Variants in XIRP2 observed in about 807,000 individuals in gnomAD.
XIRP2 encodes xin actin binding repeat containing 2.
Under a neutral mutation model 277.0 loss-of-function variants are expected in XIRP2, and 236 were observed. The ratio of observed to expected loss-of-function variants is 0.85; its 90% CI spans 0.77 to 0.95. The LOEUF (loss-of-function observed/expected upper bound fraction) is 0.95, where lower values mean the gene tolerates loss of function less well. Ranked by LOEUF, XIRP2 falls within the 40% of genes least tolerant of loss-of-function variation. XIRP2 has a pLI of 0.00. For missense variants in XIRP2, 4,640 were observed against 4,157.5 expected, an observed-to-expected ratio of 1.12 and a Z score of -3.19; for synonymous variants, 1,490 against 1,416.5, an observed-to-expected ratio of 1.05 and a Z score of -1.17.
rs567728566 is a variant in XIRP2, at chr2:167,128,808, C to A, written c.409-7101C>A. Among the ~76,000 whole-genome samples the A allele has an allele frequency of 4.6e-5, 7 of 152,242 alleles. No homozygotes were observed. In the South Asian group the frequency reaches 1.5e-3, roughly 32 times the overall value. On this transcript the variant is annotated intron_variant, in intron 2 of 10. Coordinates refer to ENST00000409195, the MANE Select transcript of XIRP2 (RefSeq NM_152381.6). ...TCACACTCTTTTTTGTTACAATACT[C>A]ACTTGATGTATCTTTCCCTGCCATT...
In XIRP2 at chr2:167,210,732, C is replaced by T; in HGVS notation, c.563-3C>T. On this transcript the variant is annotated splice_polypyrimidine_tract_variant and splice_region_variant and intron_variant, in intron 3 of 10. Coordinates refer to ENST00000409195, the MANE Select transcript of XIRP2 (RefSeq NM_152381.6). ...TGTGTAAGCATGCTCTGTTTGCTTTCAGCGACTGCTGGCCCTAATAAGCCT... is the reference window on the plus strand; with the variant it reads ...TGTGTAAGCATGCTCTGTTTGCTTTTAGCGACTGCTGGCCCTAATAAGCCT... 6.2e-7 allele frequency: 1 copy of T among 1,614,042 alleles called. No individual in the cohort carries two copies. Among genetic ancestry groups the T allele is most frequent in the Non-Finnish European group, 8.5e-7 (1 of 1,179,924 alleles).
intron 2 of XIRP2, among the ~76,000 whole-genome samples, chr2:166,982,945 G>A (rs1462552767): frequency 2.6e-5 from 4 of 152,148 alleles, no homozygotes; most frequent in African/African-American, 9.7e-5. Flanking sequence ...TGTGAAACAT[G>A]CCCAGAACCA....
chr2:167,012,555 A>G (rs1201940070), intron 2 of XIRP2, among the ~76,000 whole-genome samples: 2 of 151,648 alleles, frequency 1.3e-5, no homozygotes, highest in South Asian at 2.1e-4. Context: ...TACACTTAAG[A>G]GCCTTTCTTT....
chr2:166,932,236 A>G (rs1685362809), intron 2 of XIRP2, among the ~76,000 whole-genome samples: 1 of 147,486 alleles, frequency 6.8e-6, no homozygotes, highest in Admixed American at 6.8e-5. Flanking sequence ...TTTTTAATTG[A>G]GACAGTGTCT....
chr2:167,248,152 C>A lies in XIRP2; in HGVS notation c.6760C>A (p.Leu2254Ile), dbSNP rs1325760674. Reference protein sequence around the residue: ...TDVHLKSQDFLMKTNTSTGLK... With the variant: ...TDVHLKSQDFIMKTNTSTGLK... ...TGTTCACTTGAAAAGCCAGGACTTT[C>A]TAATGAAAACAAATACTTCCACAGG... is the stretch of plus-strand genomic sequence containing the variant. The change falls in exon 9 of 11, where the codon CTA (leucine) becomes ATA (isoleucine). Residue 2254 changes from leucine to isoleucine, a missense_variant. Physicochemically the swap from Leu to Ile is conservative, Grantham distance 5 (BLOSUM62 2). Transcript: ENST00000409195. 1.5e-5 allele frequency: 24 copies of A among 1,613,666 alleles called. No homozygotes were observed. Among genetic ancestry groups the A allele is most frequent in the Non-Finnish European group, 2.0e-5 (24 of 1,179,816 alleles).
At chr2:167,208,597 C>T (rs1001043041) in intron 3 of XIRP2, among the ~76,000 whole-genome samples, 1 of 152,092 alleles carries the variant, frequency 6.6e-6, no homozygotes, top group African/African-American at 2.4e-5. Flanking sequence ...TGTGAGCCAC[C>T]GCGCCCGGCT....
At chr2:167,177,128 T>C (rs1657965377) in intron 3 of XIRP2, among the ~76,000 whole-genome samples, 1 of 152,250 alleles carries the variant, frequency 6.6e-6, no homozygotes, top group Admixed American at 6.5e-5. Flanking sequence ...AGCCCAAATC[T>C]ACTTTTAAGA....
intron 2 of XIRP2, among the ~76,000 whole-genome samples, chr2:167,001,301 A>C (rs1360751082): frequency 6.6e-6 from 1 of 152,030 alleles, no homozygotes; most frequent in Non-Finnish European, 1.5e-5. Flanking sequence ...ATGCACATGC[A>C]CCTCATCTTT....
chr2:167,215,477 TGGA>T (rs1694217206), intron 4 of XIRP2, among the ~76,000 whole-genome samples: 1 of 152,234 alleles, frequency 6.6e-6, no homozygotes, highest in African/African-American at 2.4e-5. Flanking sequence ...TATAATATTC[TGGA>T]GTATGGGAAA....
At chr2:166,947,257 G>A (rs1194853321) in intron 2 of XIRP2, among the ~76,000 whole-genome samples, 1 of 152,128 alleles carries the variant, frequency 6.6e-6, no homozygotes, top group East Asian at 1.9e-4. Context: ...TTCAAAACCT[G>A]GGATACATGG....
chr2:166,936,452 A>G (rs1485194821), intron 2 of XIRP2, among the ~76,000 whole-genome samples: 1 of 152,152 alleles, frequency 6.6e-6, no homozygotes, highest in Non-Finnish European at 1.5e-5. Flanking sequence ...TTTTGTTGCT[A>G]CTGCTTTTGG....
At chr2:167,142,572 A>T (rs7556849) in intron 3 of XIRP2, among the ~76,000 whole-genome samples, 16,513 of 151,344 alleles carry the variant, frequency 0.11, 1,021 homozygotes, top group African/African-American at 0.17. Context: ...ATAAAAAAAT[A>T]AAAAAAAAGA....
At chr2:167,153,213 A>G (rs974542252) in intron 3 of XIRP2, among the ~76,000 whole-genome samples, 2 of 152,150 alleles carry the variant, frequency 1.3e-5, no homozygotes, top group African/African-American at 4.8e-5. Flanking sequence ...ACTTTCATAT[A>G]GAGACTCAAT....
intron 10 of XIRP2, 28 bp from the exon 11 acceptor site, chr2:167,257,829 T>A (rs762704477): frequency 6.4e-7 from 1 of 1,558,564 alleles, no homozygotes; most frequent in Non-Finnish European, 8.6e-7. Flanking sequence ...AAATACGAAC[T>A]GCTAAGTGTT....
chr2:166,979,073 T>C (rs1686792638), intron 2 of XIRP2, among the ~76,000 whole-genome samples: 1 of 152,366 alleles, frequency 6.6e-6, no homozygotes, highest in Non-Finnish European at 1.5e-5. Context: ...TAGGAATTTC[T>C]ACATGACAAA....
chr2:166,959,109 G>C (rs543005641), intron 2 of XIRP2, among the ~76,000 whole-genome samples: 1 of 151,868 alleles, frequency 6.6e-6, no homozygotes, highest in Admixed American at 6.6e-5. Flanking sequence ...CTATGTACTC[G>C]AGAGAATGTA....
At position 167,167,476 on chromosome 2, in the gene XIRP2, A is replaced by G. The variant is rs1011263095; in HGVS notation, c.562+31414A>G. Among the ~76,000 whole-genome samples, 3 of 152,012 alleles carry G rather than the reference A, an allele frequency of 2.0e-5. No individual in the cohort carries two copies. The South Asian group carries it at 6.2e-4, about 31-fold the overall frequency. On this transcript the variant is annotated intron_variant, in intron 3 of 10. Coordinates refer to ENST00000409195, the MANE Select transcript of XIRP2 (RefSeq NM_152381.6). ...TTTAGTGTGATTTTATTTTCTCTCC[A>G]GTCTTAGCATATTGTACTTTTTTAA...
At position 167,030,205 on chromosome 2, in the gene XIRP2, C is replaced by G. The variant is rs181241257; in HGVS notation, c.409-105704C>G. ...TTTTTTTGAAGGATTTTTCATGTCT[C>G]TATCTCATTCAGTTCTGCTCTGATC... On this transcript the variant is annotated intron_variant, in intron 2 of 10. Transcript: ENST00000409195. 1.3e-3 allele frequency among the ~76,000 whole-genome samples: 198 copies of G among 152,164 alleles called. 1 individual carries two copies. Among genetic ancestry groups the G allele is most frequent in the African/African-American group, 4.5e-3 (185 of 41,540 alleles).
At chr2:167,059,091 T>C (rs924516958) in intron 2 of XIRP2, among the ~76,000 whole-genome samples, 2 of 147,586 alleles carry the variant, frequency 1.4e-5, no homozygotes, top group Non-Finnish European at 3.0e-5. Flanking sequence ...AGGATTTAAC[T>C]TTTTTTTCTC....
Sources: gnomAD v4.1 joint callset for allele counts (sites outside exome capture counted in the v4.1 genomes callset) on GRCh38, gnomAD v4.1.1 for gene constraint, MANE v1.5 for transcripts, NCBI Gene and HGNC (gene_info 2026-07-23, HGNC 2026-07-21) for gene names.